TMEM191C: variants seen among roughly 807,000 people sequenced by gnomAD.
The protein encoded by TMEM191C is KB-1323B2.6.
Under a neutral mutation model 37.1 loss-of-function variants are expected in TMEM191C, and 26 were observed. That is an observed-to-expected ratio of 0.70 (90% confidence interval 0.51 to 0.97). The LOEUF (loss-of-function observed/expected upper bound fraction) is 0.97. Among genes scored for constraint, TMEM191C ranks in the 50% least tolerant of loss-of-function variants. The pLI is 0.00. For synonymous variants in TMEM191C, 115 were observed against 143.7 expected (o/e 0.80, Z 1.43); for missense variants, 240 against 294.7 (o/e 0.81, Z 1.36).
At position 21,467,980 on chromosome 22, in the gene TMEM191C, GAA is replaced by G. The variant is rs1924585637; in HGVS notation, c.243_244del (p.Arg82ThrfsTer56). Reference sequence around the variant, plus strand: ...CGGGAGCGCGCGGAGCGGGTGCGCAGAAGACTGGAGGAGGCGGAGCGCCACAA... The same window carrying G: ...CGGGAGCGCGCGGAGCGGGTGCGCAGGACTGGAGGAGGCGGAGCGCCACAA... On this transcript the variant is annotated frameshift_variant, in exon 2 of 10. Coordinates refer to ENST00000536718, the MANE Select transcript of TMEM191C (RefSeq NM_001388354.1). LOFTEE classifies it high-confidence loss of function. The G allele has an allele frequency of 3.7e-6, 2 of 534,606 alleles. No homozygotes were observed. Among genetic ancestry groups the G allele is most frequent in the Non-Finnish European group, 6.5e-6 (2 of 306,450 alleles). The allele number at this position is 534,606 out of a possible 1,614,324, so 33.1% of individuals were successfully genotyped here. A position where few individuals can be genotyped will look rare whatever the true frequency, so the allele number is the denominator to read the frequency against.
chr22:21,468,055 G>A (rs1443831128), intron 2 of TMEM191C, 38 bp downstream of exon 2: 3 of 948,728 alleles, frequency 3.2e-6, no homozygotes, highest in Non-Finnish European at 4.7e-6. Context: ...GACCCAGGGT[G>A]GGGTGGGGCA....
In TMEM191C at chr22:21,469,134, TGCAGGTGAAGGTGATGGAG is replaced by T. The variant is rs1205182312; in HGVS notation, c.533_551del (p.Gln178LeufsTer63). 1.8e-6 allele frequency: 1 copy of T among 550,550 alleles called. No homozygotes were observed. Among genetic ancestry groups the T allele is most frequent in the Non-Finnish European group, 3.1e-6 (1 of 317,592 alleles). The allele number at this position is 550,550 out of a possible 1,614,324, so 34.1% of individuals were successfully genotyped here. The stretch of plus-strand genomic sequence containing the variant: ...CCGCACTCTCACCCGCTCCAGGAGG[TGCAGGTGAAGGTGATGGAG>T]GCTGCGGAGGAGCTGGACGCCTGGC... On this transcript the variant is annotated frameshift_variant, in exon 7 of 10. Coordinates refer to ENST00000536718, the MANE Select transcript of TMEM191C (RefSeq NM_001388354.1). LOFTEE classifies it high-confidence loss of function.
chr22:21,467,920 C>A lies in TMEM191C; in HGVS notation c.182C>A (p.Ala61Glu). Reference protein sequence around the residue: ...RSLLRRRSQAAQPLQGEAREA... With the variant: ...RSLLRRRSQAEQPLQGEAREA... ...CTGCTGCGGAGGCGAAGCCAGGCAGCGCAGCCTCTGCAAGGGGAGGCGCGC... is the reference window on the plus strand; with the variant it reads ...CTGCTGCGGAGGCGAAGCCAGGCAGAGCAGCCTCTGCAAGGGGAGGCGCGC... The change falls in exon 2 of 10, where the codon GCG (alanine) becomes GAG (glutamate). Residue 61 changes from alanine (A) to glutamate (E), a missense_variant. Ala to Glu is a moderately radical substitution (Grantham distance 107, BLOSUM62 -1). Coordinates refer to ENST00000536718, the MANE Select transcript of TMEM191C (RefSeq NM_001388354.1). 1 of 622,678 alleles carries A rather than the reference C, an allele frequency of 1.6e-6. No homozygotes were observed. Among genetic ancestry groups the A allele is most frequent in the Non-Finnish European group, 2.6e-6 (1 of 381,718 alleles). The allele number at this position is 622,678 out of a possible 1,614,324, so 38.6% of individuals were successfully genotyped here. A position where few individuals can be genotyped will look rare whatever the true frequency, so the allele number is the denominator to read the frequency against.
Position 21,468,028 on chromosome 22 carries a change from G to C in TMEM191C, c.279+11G>C, listed in dbSNP as rs1413426140. On this transcript the variant is annotated intron_variant, in intron 2 of 9. Coordinates refer to ENST00000536718, the MANE Select transcript of TMEM191C (RefSeq NM_001388354.1). ...CACAAGGAGTACTTGGTGAGGAAGA[G>C]TCCTGGAATGGGGCTGGACCCAGGG... 134 of 555,182 alleles carry C rather than the reference G, an allele frequency of 2.4e-4. 2 individuals are homozygous for C. The African/African-American group carries it at 3.8e-3, about 16-fold the overall frequency. 34.4% of individuals were successfully genotyped at this position (555,182 alleles called of 1,614,324 possible). A position where few individuals can be genotyped will look rare whatever the true frequency, so the allele number is the denominator to read the frequency against.
Position 21,467,605 on chromosome 22 carries a change from G to A in TMEM191C, c.146G>A (p.Arg49Gln). 2 of 1,530,134 alleles carry A rather than the reference G, an allele frequency of 1.3e-6. No homozygotes were observed. Among genetic ancestry groups the A allele is most frequent in the South Asian group, 1.2e-5 (1 of 83,626 alleles). 94.8% of individuals were successfully genotyped at this position (1,530,134 alleles called of 1,614,324 possible). Residue 49 changes from arginine (R) to glutamine (Q), a missense_variant, in exon 1 of 10, where the codon CGG becomes CAG. Coordinates refer to ENST00000536718, the MANE Select transcript of TMEM191C (RefSeq NM_001388354.1). ...LNQRLQDLSE[R>Q]ERSLLRRRSQ... ...CAGCGCCTGCAGGACCTGAGCGAGC[G>A]GGAGCGGAGGTGCGCGGGGAACGCC...
rs1924654795 is a variant in TMEM191C at position 21,469,362 on chromosome 22, G to A, written c.663+16G>A. 9 of 1,255,242 alleles carry A rather than the reference G, an allele frequency of 7.2e-6. No homozygotes were observed. The Admixed American group carries it at 3.1e-4, about 43-fold the overall frequency. The allele number at this position is 1,255,242 out of a possible 1,614,324, so 77.8% of individuals were successfully genotyped here. ...GGCGGACCGAGTGAGCGCCTGCGCG[G>A]GTCCGGGCGGGGTGGGCTGGAGCGG... On this transcript the variant is annotated intron_variant, in intron 8 of 9. Coordinates refer to ENST00000536718, the MANE Select transcript of TMEM191C (RefSeq NM_001388354.1).
chr22:21,469,673 G>C lies in TMEM191C; in HGVS notation c.761G>C (p.Gly254Ala). 1 of 1,508,718 alleles carries C rather than the reference G, an allele frequency of 6.6e-7. No homozygotes were observed. The highest frequency in any genetic ancestry group is 8.8e-7 in the Non-Finnish European group (1 of 1,135,666). The allele number at this position is 1,508,718 out of a possible 1,614,324, so 93.5% of individuals were successfully genotyped here. A position where few individuals can be genotyped will look rare whatever the true frequency, so the allele number is the denominator to read the frequency against. ...VLLTLPLLFLGLSLLWTVLLD... is the reference protein window; with the variant it reads ...VLLTLPLLFLALSLLWTVLLD... ...CTGACGCTGCCGCTCCTCTTCCTGG[G>C]GCTGTCGCTGCTCTGGACGGTGCTG... The change falls in exon 10 of 10, where the codon GGG becomes GCG. Residue 254 changes from glycine (G) to alanine (A), a missense_variant. By Grantham distance (60) the Gly-to-Ala change is moderately conservative. This residue lies in a region of TMEM191C where 76 missense variants were observed against 100.0 expected (regional missense o/e 0.76). Coordinates refer to ENST00000536718, the MANE Select transcript of TMEM191C (RefSeq NM_001388354.1).
Position 21,469,552 on chromosome 22 carries a change from C to A in TMEM191C, c.704+18C>A. 1.4e-6 allele frequency: 2 copies of A among 1,392,278 alleles called. No individual in the cohort carries two copies. Among genetic ancestry groups the A allele is most frequent in the Non-Finnish European group, 1.8e-6 (2 of 1,085,144 alleles). The allele number at this position is 1,392,278 out of a possible 1,614,324, so 86.2% of individuals were successfully genotyped here. A position where few individuals can be genotyped will look rare whatever the true frequency, so the allele number is the denominator to read the frequency against. On this transcript the variant is annotated intron_variant, in intron 9 of 9. Transcript: ENST00000536718. ...GCCATCAGGTGAGCCGGGCGGTGGG[C>A]GCGGCCGCGGTCCCCCAGGTGCCCG... is the stretch of plus-strand genomic sequence containing the variant.
chr22:21,467,541 C>T lies in TMEM191C; in HGVS notation c.82C>T (p.Leu28=). 2 of 1,432,104 alleles carry T rather than the reference C, an allele frequency of 1.4e-6. No homozygotes were observed. The highest frequency in any genetic ancestry group is 1.9e-6 in the Non-Finnish European group (2 of 1,080,128). 88.7% of individuals were successfully genotyped at this position (1,432,104 alleles called of 1,614,324 possible). ...GRQRKQELEK[L]MRGLEAESES... ...CCAGCGGAAGCAGGAGCTAGAGAAG[C>T]TGATGCGCGGGCTCGAGGCCGAGAG... Residue 28 remains leucine (L), a synonymous_variant, in exon 1 of 10, where the codon CTG becomes TTG. Transcript: ENST00000536718.
chr22:21,469,489 C>A lies in TMEM191C; in HGVS notation c.664-5C>A. On this transcript the variant is annotated splice_polypyrimidine_tract_variant and splice_region_variant and intron_variant, in intron 8 of 9. Transcript: ENST00000536718. ...GTAGCTGGATGCGGCCCTCTCTCCC[C>A]GCAGGAGACGCGGCTGTTCGGCGGC... The A allele has an allele frequency of 2.2e-6, 3 of 1,351,826 alleles. No homozygotes were observed. The highest frequency in any genetic ancestry group is 1.8e-5 in the South Asian group (1 of 57,062). 83.7% of individuals were successfully genotyped at this position (1,351,826 alleles called of 1,614,324 possible).
At position 21,467,428 on chromosome 22, in the gene TMEM191C, G is replaced by T. The variant is rs1364594619; in HGVS notation, c.-32G>T. ...GCCAGCCGCAGGCTGGGTCCCCGAG[G>T]CGGGCGGCATTTAGGCTCGGTCTCC... On this transcript the variant is annotated 5_prime_UTR_variant, in exon 1 of 10. Coordinates refer to ENST00000536718, the MANE Select transcript of TMEM191C (RefSeq NM_001388354.1). 8 of 449,798 alleles carry T rather than the reference G, an allele frequency of 1.8e-5. No individual in the cohort carries two copies. Among genetic ancestry groups the T allele is most frequent in the Non-Finnish European group, 2.2e-5 (6 of 267,144 alleles). The allele number at this position is 449,798 out of a possible 1,614,324, so 27.9% of individuals were successfully genotyped here. A position where few individuals can be genotyped will look rare whatever the true frequency, so the allele number is the denominator to read the frequency against.
At position 21,469,521 on chromosome 22, in the gene TMEM191C, G is replaced by A; in HGVS notation, c.691G>A (p.Ala231Thr). 2 of 1,357,616 alleles carry A rather than the reference G, an allele frequency of 1.5e-6. No individual in the cohort carries two copies. Among genetic ancestry groups the A allele is most frequent in the Non-Finnish European group, 1.9e-6 (2 of 1,062,936 alleles). 84.1% of individuals were successfully genotyped at this position (1,357,616 alleles called of 1,614,324 possible). A position where few individuals can be genotyped will look rare whatever the true frequency, so the allele number is the denominator to read the frequency against. Reference protein sequence around the residue: ...RETRLFGGPRALAIRRCVLGA... With the variant: ...RETRLFGGPRTLAIRRCVLGA... ...GACGCGGCTGTTCGGCGGCCCTCGC[G>A]CGCTGGCCATCAGGTGAGCCGGGCG... Residue 231 changes from alanine to threonine, a missense_variant, in exon 9 of 10, where the codon GCG becomes ACG. This residue lies in a region of TMEM191C where 76 missense variants were observed against 100.0 expected (regional missense o/e 0.76). Coordinates refer to ENST00000536718, the MANE Select transcript of TMEM191C (RefSeq NM_001388354.1).
rs1240153355 is a variant in TMEM191C at position 21,468,152 on chromosome 22, G to A, written c.280G>A (p.Glu94Lys). The part of the protein sequence containing the change: ...EEAERHKEYL[E>K]QHSRQLQEQW... ...CACCGCCCCAGGACCCCGTCCGCAG[G>A]AGCAGCACAGCAGGCAGCTGCAGGA... Residue 94 changes from glutamate to lysine, a missense_variant and splice_region_variant, in exon 3 of 10, where the codon GAG (glutamate) becomes AAG (lysine). Physicochemically the swap from Glu to Lys is moderately conservative, Grantham distance 56. This residue lies in a region of TMEM191C where 130 missense variants were observed against 105.7 expected (regional missense o/e 1.23). Coordinates refer to ENST00000536718, the MANE Select transcript of TMEM191C (RefSeq NM_001388354.1). 2 of 1,510,308 alleles carry A rather than the reference G, an allele frequency of 1.3e-6. No individual in the cohort carries two copies. The highest frequency in any genetic ancestry group is 1.5e-5 in the African/African-American group (1 of 66,284). 93.6% of individuals were successfully genotyped at this position (1,510,308 alleles called of 1,614,324 possible).
chr22:21,467,776 A>T, intron 1 of TMEM191C, 118 bp from the exon 2 acceptor site: 1 of 448,254 alleles, frequency 2.2e-6, no homozygotes, highest in Non-Finnish European at 3.8e-6. Flanking sequence ...CAGGTGGGGG[A>T]CTCGGCCAGG....
chr22:21,468,358 T>A lies in TMEM191C; in HGVS notation c.335T>A (p.Phe112Tyr). Residue 112 changes from phenylalanine (F) to tyrosine (Y), a missense_variant, in exon 4 of 10, where the codon TTC (phenylalanine) becomes TAC (tyrosine). Physicochemically the swap from Phe to Tyr is conservative, Grantham distance 22. Coordinates refer to ENST00000536718, the MANE Select transcript of TMEM191C (RefSeq NM_001388354.1). ...CCTTACAAGCCCCGCCCCTAGCTCT[T>A]CTACTACGGAGGGGAACTGCAGAGC... ...EQWEELSSQL[F>Y]YYGGELQSQK... The A allele has an allele frequency of 6.5e-7, 1 of 1,535,332 alleles. No homozygotes were observed. Among genetic ancestry groups the A allele is most frequent in the South Asian group, 1.2e-5 (1 of 84,030 alleles).
rs922582100 is a variant in TMEM191C at position 21,469,700 on chromosome 22, T to C, written c.788T>C (p.Leu263Ser). ...CTGTCGCTGCTCTGGACGGTGCTGTTGGACCCCGGCGCCGTCTCCGCGTGG... is the reference window on the plus strand; with the variant it reads ...CTGTCGCTGCTCTGGACGGTGCTGTCGGACCCCGGCGCCGTCTCCGCGTGG... ...LGLSLLWTVL[L>S]DPGAVSAWLW... Residue 263 changes from leucine to serine, a missense_variant, in exon 10 of 10, where the codon TTG becomes TCG. By Grantham distance (145) the Leu-to-Ser change is moderately radical. Coordinates refer to ENST00000536718, the MANE Select transcript of TMEM191C (RefSeq NM_001388354.1). 4.6e-6 allele frequency: 7 copies of C among 1,527,076 alleles called. No homozygotes were observed. The African/African-American group carries it at 9.7e-5, about 21-fold the overall frequency. 94.6% of individuals were successfully genotyped at this position (1,527,076 alleles called of 1,614,324 possible).
At chr22:21,468,048 C>T in intron 2 of TMEM191C, 31 bp downstream of exon 2, 1 of 796,436 alleles carries the variant, frequency 1.3e-6, no homozygotes, top group South Asian at 1.4e-5. Flanking sequence ...GGGGCTGGAC[C>T]CAGGGTGGGG....
rs926811845 is a variant in TMEM191C, at chr22:21,469,611, C to G, written c.705-6C>G. ...GCCGCCCACCTGCCCGCCTTTCGCC[C>G]CGCAGGCGGTGCGTGCTGGGCGCGC... On this transcript the variant is annotated splice_polypyrimidine_tract_variant and splice_region_variant and intron_variant, in intron 9 of 9. Transcript: ENST00000536718. The G allele has an allele frequency of 4.0e-5, 59 of 1,479,016 alleles. No homozygotes were observed. The highest frequency in any genetic ancestry group is 5.2e-5 in the Non-Finnish European group (58 of 1,124,310). The allele number at this position is 1,479,016 out of a possible 1,614,324, so 91.6% of individuals were successfully genotyped here. A position where few individuals can be genotyped will look rare whatever the true frequency, so the allele number is the denominator to read the frequency against.
At chr22:21,469,556 G>A (rs1924664894) in intron 9 of TMEM191C, 22 bp downstream of exon 9, 7 of 1,399,580 alleles carry the variant, frequency 5.0e-6, no homozygotes, top group Non-Finnish European at 6.4e-6. Context: ...GGTGGGCGCG[G>A]CCGCGGTCCC....
Sources: allele counts gnomAD v4.1 joint callset, GRCh38; gene constraint gnomAD v4.1.1; regional missense constraint gnomAD v4.1.1; transcripts MANE v1.5; gene names NCBI Gene and HGNC (gene_info 2026-07-23, HGNC 2026-07-21).